Variants in RAB3GAP2 observed in about 807,000 individuals in gnomAD.
The protein encoded by RAB3GAP2 is rab3 GTPase-activating protein non-catalytic subunit.
Under a neutral mutation model 185.3 loss-of-function variants are expected in RAB3GAP2, and 87 were observed. The observed-to-expected ratio is 0.47, with a 90% CI of 0.39 to 0.56. RAB3GAP2 has a LOEUF of 0.56. RAB3GAP2 is among the 20% of genes least tolerant of loss of function. The pLI is 0.00. For missense variants in RAB3GAP2, 1,492 were observed against 1,638.2 expected, an observed-to-expected ratio of 0.91 and a Z score of 1.54; for synonymous variants, 554 against 576.1, an observed-to-expected ratio of 0.96 and a Z score of 0.55.
At chr1:220,245,186 A>G (rs1471002917) in intron 1 of RAB3GAP2, among the ~76,000 whole-genome samples, 2 of 152,190 alleles carry the variant, frequency 1.3e-5, no homozygotes, top group African/African-American at 4.8e-5. Context: ...GAATAGGAAC[A>G]GCTCCGGTCT....
intron 2 of RAB3GAP2, among the ~76,000 whole-genome samples, chr1:220,219,788 G>A (rs1659271325): frequency 6.6e-6 from 1 of 152,178 alleles, no homozygotes; most frequent in South Asian, 2.1e-4. Context: ...GGATCACAAT[G>A]AGCTAGTATT....
rs552483507 is a variant in RAB3GAP2, at chr1:220,259,184, C to T, written c.115+13039G>A. On this transcript the variant is annotated intron_variant, in intron 1 of 34. Coordinates refer to ENST00000358951, the MANE Select transcript of RAB3GAP2 (RefSeq NM_012414.4). ...GTAATTTATGGATTCAATGCTATTC[C>T]CATTAAACTACCACTGACATTCTTC... is the stretch of plus-strand genomic sequence containing the variant. Among the ~76,000 whole-genome samples, 33 of 152,072 alleles carry T rather than the reference C, an allele frequency of 2.2e-4. 1 individual carries two copies. In the South Asian group the frequency reaches 5.4e-3, roughly 25 times the overall value.
intron 2 of RAB3GAP2, among the ~76,000 whole-genome samples, chr1:220,229,946 T>G (rs1659469679): frequency 6.6e-6 from 1 of 152,186 alleles, no homozygotes; most frequent in South Asian, 2.1e-4. Context: ...GTCTACCAAA[T>G]AGCACATGTA....
chr1:220,239,469 G>A (rs975083845), intron 1 of RAB3GAP2, among the ~76,000 whole-genome samples: 2 of 152,092 alleles, frequency 1.3e-5, no homozygotes, highest in African/African-American at 4.8e-5. Context: ...AAGCTCAAGC[G>A]AACTGCCCAT....
chr1:220,199,915 C>T (rs1658810232), intron 9 of RAB3GAP2, among the ~76,000 whole-genome samples: 1 of 152,106 alleles, frequency 6.6e-6, no homozygotes, highest in Admixed American at 6.6e-5. Flanking sequence ...AACTGGTCTC[C>T]TTGCTTTCTT....
chr1:220,193,165 G>A (rs564106202), intron 13 of RAB3GAP2, 75 bp downstream of exon 13: 10 of 1,537,440 alleles, frequency 6.5e-6, no homozygotes, highest in Admixed American at 1.7e-5. Flanking sequence ...TCCAGAAGCT[G>A]AAGGATGATA....
intron 21 of RAB3GAP2, among the ~76,000 whole-genome samples, chr1:220,178,875 A>G (rs1658345426): frequency 6.6e-6 from 1 of 152,110 alleles, no homozygotes; most frequent in Admixed American, 6.6e-5. Context: ...ATGCACCTAT[A>G]GTCCTGGCTG....
In RAB3GAP2 at chr1:220,171,081, T is replaced by G; in HGVS notation, c.2617A>C (p.Thr873Pro). ...TVLGADSEAL[T>P]DSWEALSLDT... Reference sequence around the variant, plus strand: ...AGAGAAAGTGCCTCCCAGGAATCAGTGAGGGCCTCTGAATCAGCACCCAAA... The same window carrying G: ...AGAGAAAGTGCCTCCCAGGAATCAGGGAGGGCCTCTGAATCAGCACCCAAA... Residue 873 changes from threonine (T) to proline (P), a missense_variant, in exon 24 of 35, where the codon ACT becomes CCT. Thr to Pro is a conservative substitution (Grantham distance 38, BLOSUM62 -1). Coordinates refer to ENST00000358951, the MANE Select transcript of RAB3GAP2 (RefSeq NM_012414.4). 2 of 1,614,122 alleles carry G rather than the reference T, an allele frequency of 1.2e-6. No individual in the cohort carries two copies. The highest frequency in any genetic ancestry group is 1.7e-6 in the Non-Finnish European group (2 of 1,179,984).
At chr1:220,175,261 C>T (rs955383920) in intron 21 of RAB3GAP2, among the ~76,000 whole-genome samples, 5 of 151,800 alleles carry the variant, frequency 3.3e-5, no homozygotes, top group Non-Finnish European at 5.9e-5. Context: ...GAGTCTCACT[C>T]TGTTATTTAG....
intron 1 of RAB3GAP2, chr1:220,267,764 T>C: frequency 6.5e-7 from 1 of 1,534,362 alleles, no homozygotes; most frequent in Non-Finnish European, 9.0e-7. Flanking sequence ...GCGAAGAATT[T>C]GAAGGACACA....
chr1:220,254,215 GA>G, intron 1 of RAB3GAP2: 2 of 1,613,572 alleles, frequency 1.2e-6, no homozygotes, highest in South Asian at 2.2e-5. Context: ...TGCGGTTAAT[GA>G]AGTTGTGGCA....
intron 2 of RAB3GAP2, among the ~76,000 whole-genome samples, chr1:220,221,956 G>A (rs1057441732): frequency 9.9e-5 from 15 of 152,184 alleles, no homozygotes; most frequent in African/African-American, 3.4e-4. Context: ...AGTACGATAA[G>A]TCCATCATTT....
At chr1:220,252,258 T>A (rs188402995) in intron 1 of RAB3GAP2, among the ~76,000 whole-genome samples, 2 of 150,800 alleles carry the variant, frequency 1.3e-5, no homozygotes, top group Non-Finnish European at 3.0e-5. Flanking sequence ...ATATAATATA[T>A]AATTAAACTA....
chr1:220,164,644 T>C, intron 27 of RAB3GAP2, 89 bp downstream of exon 27: 1 of 1,508,302 alleles, frequency 6.6e-7, no homozygotes, highest in Non-Finnish European at 8.9e-7. Context: ...AAAAATTTAA[T>C]AGGTTGTAAA....
chr1:220,153,952 A>G lies in RAB3GAP2; in HGVS notation c.3645+16T>C, dbSNP rs1221162067. ...TTTCCAAGAAACAAAAACAAAATCC[A>G]ATAGCTATAATTTACCTGTTGTCGT... On this transcript the variant is annotated intron_variant, in intron 32 of 34. Transcript: ENST00000358951. The G allele has an allele frequency of 1.2e-6, 2 of 1,612,574 alleles. No individual in the cohort carries two copies. The highest frequency in any genetic ancestry group is 8.5e-7 in the Non-Finnish European group (1 of 1,179,388).
At position 220,270,194 on chromosome 1, in the gene RAB3GAP2, C is replaced by T. The variant is rs534169626; in HGVS notation, c.115+2029G>A. 2.0e-5 allele frequency among the ~76,000 whole-genome samples: 3 copies of T among 152,306 alleles called. No homozygotes were observed. In the East Asian group the frequency reaches 5.8e-4, roughly 29 times the overall value. ...TTCTCGCCTTCCTCAGCTCCGAGGG[C>T]CTTACTCTCACATGATTTTCCTCTT... On this transcript the variant is annotated intron_variant, in intron 1 of 34. Transcript: ENST00000358951.
At chr1:220,162,115 A>G in intron 28 of RAB3GAP2, 83 bp downstream of exon 28, 1 of 1,097,010 alleles carries the variant, frequency 9.1e-7, no homozygotes, top group South Asian at 1.3e-5. Context: ...TAGTCTAACA[A>G]AGCCTAATGT....
chr1:220,182,925 C>G lies in RAB3GAP2; in HGVS notation c.2005G>C (p.Ala669Pro). Residue 669 changes from alanine (A) to proline (P), a missense_variant, in exon 20 of 35, where the codon GCT becomes CCT. Around this residue, in one of 5 missense-constraint regions of RAB3GAP2, gnomAD observed 681 missense variants for 689.1 expected, o/e 0.99. Coordinates refer to ENST00000358951, the MANE Select transcript of RAB3GAP2 (RefSeq NM_012414.4). ...LDTPFSDNDLALLLRLDEKEL... is the reference protein window; with the variant it reads ...LDTPFSDNDLPLLLRLDEKEL... ...TTTTCATCAAGCCTTAGTAACAGAG[C>G]CAAGTCCTTTAAAACAGAAAACAAA... is the stretch of plus-strand genomic sequence containing the variant. 1 of 1,610,350 alleles carries G rather than the reference C, an allele frequency of 6.2e-7. No homozygotes were observed. Among genetic ancestry groups the G allele is most frequent in the South Asian group, 1.1e-5 (1 of 91,002 alleles).
intron 2 of RAB3GAP2, among the ~76,000 whole-genome samples, chr1:220,220,852 C>T (rs1389457568): frequency 2.0e-5 from 3 of 152,186 alleles, no homozygotes; most frequent in African/African-American, 7.2e-5. Context: ...TGTGAGGCCT[C>T]CCCAGCCACG....
Sources: allele counts gnomAD v4.1 joint callset (sites outside exome capture counted in the v4.1 genomes callset), GRCh38; gene constraint gnomAD v4.1.1; regional missense constraint gnomAD v4.1.1; transcripts MANE v1.5; gene names NCBI Gene and HGNC (gene_info 2026-07-23, HGNC 2026-07-21).